Variants in WWOX observed in about 807,000 individuals in gnomAD.
The protein encoded by WWOX is WW domain containing oxidoreductase.
In WWOX, 69 loss-of-function variants were observed where a neutral mutation model predicts 46.2. The observed-to-expected ratio is 1.49, with a 90% CI of 1.23 to 1.82. The LOEUF (loss-of-function observed/expected upper bound fraction) is 1.82. Among genes scored for constraint, WWOX ranks in the 40% most tolerant of loss-of-function variants. The pLI, the probability that WWOX is intolerant of heterozygous loss-of-function variation, is 0.00. For missense variants in WWOX, 919 were observed against 542.6 expected, an observed-to-expected ratio of 1.69 and a Z score of -6.89; for synonymous variants, 359 against 202.6, an observed-to-expected ratio of 1.77 and a Z score of -6.56.
chr16:78,644,559 T>G (rs2046796366), intron 8 of WWOX, among the ~76,000 whole-genome samples: 1 of 152,058 alleles, frequency 6.6e-6, no homozygotes, highest in South Asian at 2.1e-4. Flanking sequence ...CCTACCAGGT[T>G]CAAATGATTT....
At chr16:78,577,563 C>T (rs1017449366) in intron 8 of WWOX, among the ~76,000 whole-genome samples, 2 of 152,206 alleles carry the variant, frequency 1.3e-5, no homozygotes, top group Admixed American at 1.3e-4. Flanking sequence ...AACCATTCCA[C>T]TTCCTAGCTT....
intron 4 of WWOX, among the ~76,000 whole-genome samples, chr16:78,144,523 A>ATT (rs138841166): frequency 4.0e-3 from 74 of 18,592 alleles, no homozygotes; most frequent in Non-Finnish European, 5.2e-3. Context: ...ATATATATAT[A>ATT]TTTTTTTTTT....
At position 78,156,589 on chromosome 16, in the gene WWOX, G is replaced by T. The variant is rs184259953; in HGVS notation, c.410-7594G>T. ...CTAGTCTGGCGAAATACGGAGATTG[G>T]AGGGTGTAAGGCTCAAGGAGCTTAC... is the stretch of plus-strand genomic sequence containing the variant. On this transcript the variant is annotated intron_variant, in intron 4 of 8. Coordinates refer to ENST00000566780, the MANE Select transcript of WWOX (RefSeq NM_016373.4). 2.9e-3 allele frequency among the ~76,000 whole-genome samples: 446 copies of T among 152,260 alleles called. 1 individual carries two copies. The highest frequency in any genetic ancestry group is 0.01 in the African/African-American group (427 of 41,554).
chr16:78,553,794 G>A (rs1031310875), intron 8 of WWOX, among the ~76,000 whole-genome samples: 6 of 152,016 alleles, frequency 3.9e-5, no homozygotes, highest in African/African-American at 1.4e-4. Context: ...GGCCCTGCAG[G>A]TCCTGCAGAC....
At chr16:78,411,164 C>A (rs1017861421) in intron 6 of WWOX, among the ~76,000 whole-genome samples, 5 of 152,130 alleles carry the variant, frequency 3.3e-5, no homozygotes, top group Admixed American at 1.3e-4. Context: ...CTCACCCACC[C>A]TTGAGGTGAG....
chr16:78,330,293 G>A (rs1033094616), intron 5 of WWOX, among the ~76,000 whole-genome samples: 5 of 151,958 alleles, frequency 3.3e-5, no homozygotes, highest in African/African-American at 9.7e-5. Flanking sequence ...ATTTTGTTAC[G>A]TATATTTTAC....
intron 8 of WWOX, among the ~76,000 whole-genome samples, chr16:79,026,262 C>A (rs552403015): frequency 2.6e-5 from 4 of 151,652 alleles, no homozygotes; most frequent in Non-Finnish European, 5.9e-5. Context: ...AGTCACCCTA[C>A]CCTCGGTCAA....
At chr16:78,501,542 CTT>C (rs1174623592) in intron 8 of WWOX, among the ~76,000 whole-genome samples, 4 of 145,420 alleles carry the variant, frequency 2.8e-5, no homozygotes, top group African/African-American at 2.5e-5. Context: ...CTTTTTCTTT[CTT>C]TTTTTTTTTT....
At chr16:79,102,344 T>A (rs916023143) in intron 8 of WWOX, among the ~76,000 whole-genome samples, 12 of 152,182 alleles carry the variant, frequency 7.9e-5, no homozygotes, top group Non-Finnish European at 1.8e-4. Flanking sequence ...ATGGGCAAAC[T>A]GGGAGGGTGT....
chr16:78,883,695 G>C (rs989228310), intron 8 of WWOX, among the ~76,000 whole-genome samples: 6 of 150,714 alleles, frequency 4.0e-5, no homozygotes, highest in Non-Finnish European at 8.8e-5. Flanking sequence ...CTGTACTCCA[G>C]CCTGGGCAAC....
intron 8 of WWOX, among the ~76,000 whole-genome samples, chr16:78,849,256 G>T (rs549322515): frequency 6.6e-6 from 1 of 152,120 alleles, no homozygotes; most frequent in African/African-American, 2.4e-5. Context: ...TAGAAATTGC[G>T]AAGTCACGAA....
intron 8 of WWOX, among the ~76,000 whole-genome samples, chr16:78,714,154 C>T (rs765467278): frequency 6.6e-6 from 1 of 152,164 alleles, no homozygotes; most frequent in South Asian, 2.1e-4. Flanking sequence ...GTTAGATGTA[C>T]TGTCATTTCT....
chr16:78,150,977 A>C (rs767895188), intron 4 of WWOX, among the ~76,000 whole-genome samples: 1 of 151,852 alleles, frequency 6.6e-6, no homozygotes, highest in African/African-American at 2.4e-5. Context: ...TTCTGGGCTC[A>C]AGTGATCCTC....
chr16:78,850,623 C>T (rs1338305248), intron 8 of WWOX, among the ~76,000 whole-genome samples: 2 of 152,194 alleles, frequency 1.3e-5, no homozygotes, highest in Non-Finnish European at 2.9e-5. Context: ...TATTTACCAT[C>T]ACCATCCTTG....
intron 8 of WWOX, among the ~76,000 whole-genome samples, chr16:78,669,305 G>C (rs954581006): frequency 6.6e-6 from 1 of 152,240 alleles, no homozygotes; most frequent in Admixed American, 6.5e-5. Context: ...GGATGGATTT[G>C]TGTCTATAAA....
intron 8 of WWOX, among the ~76,000 whole-genome samples, chr16:78,710,492 A>ATATATATT: frequency 1.5e-5 from 2 of 134,880 alleles, no homozygotes; most frequent in Non-Finnish European, 1.6e-5. Context: ...ATATATATAT[A>ATATATATT]TATATATTTA....
intron 4 of WWOX, chr16:78,123,435 GTT>G (rs200594331): frequency 2.1e-5 from 1 of 48,722 alleles, no homozygotes; most frequent in Non-Finnish European, 4.1e-5. Context: ...TTTGTTTTTT[GTT>G]TTGTTTTTTT....
At chr16:78,298,003 C>G (rs1597454520) in intron 5 of WWOX, among the ~76,000 whole-genome samples, 1 of 152,164 alleles carries the variant, frequency 6.6e-6, no homozygotes, top group East Asian at 1.9e-4. Context: ...TGAGTGAGTT[C>G]TCATGAGATC....
chr16:78,796,367 A>C (rs1322672930), intron 8 of WWOX, among the ~76,000 whole-genome samples: 1 of 152,228 alleles, frequency 6.6e-6, no homozygotes, highest in Non-Finnish European at 1.5e-5. Flanking sequence ...AAAAAGTACA[A>C]GTTTCCAAGG....
Sources: allele counts gnomAD v4.1 joint callset (sites outside exome capture counted in the v4.1 genomes callset), GRCh38; gene constraint gnomAD v4.1.1; transcripts MANE v1.5; gene names NCBI Gene and HGNC (gene_info 2026-07-23, HGNC 2026-07-21).